Variants in ZNRF1 observed in about 807,000 individuals in gnomAD.
ZNRF1 encodes the protein E3 ubiquitin-protein ligase ZNRF1.
In ZNRF1, 3 loss-of-function variants were observed where a neutral mutation model predicts 18.4. The ratio of observed to expected loss-of-function variants is 0.16; its 90% CI spans 0.07 to 0.42. The LOEUF (loss-of-function observed/expected upper bound fraction) is 0.42. Among genes scored for constraint, ZNRF1 ranks in the 10% least tolerant of loss-of-function variants. The pLI is 0.99. For synonymous variants in ZNRF1, 157 were observed against 144.2 expected, an observed-to-expected ratio of 1.09 and a Z score of -0.64; for missense variants, 310 against 329.8, an observed-to-expected ratio of 0.94 and a Z score of 0.47.
intron 1 of ZNRF1, among the ~76,000 whole-genome samples, chr16:75,046,004 G>A (rs948758392): frequency 3.3e-5 from 5 of 151,928 alleles, no homozygotes; most frequent in African/African-American, 1.2e-4. Flanking sequence ...CTGGGTTCAA[G>A]CAATTCTCCT....
chr16:75,052,631 C>G (rs1467626381), intron 1 of ZNRF1, among the ~76,000 whole-genome samples: 1 of 152,112 alleles, frequency 6.6e-6, no homozygotes, highest in African/African-American at 2.4e-5. Flanking sequence ...CTATGACTGC[C>G]ATTCTCACTT....
At chr16:75,100,216 A>G (rs1405607550) in intron 2 of ZNRF1, among the ~76,000 whole-genome samples, 3 of 152,176 alleles carry the variant, frequency 2.0e-5, no homozygotes, top group African/African-American at 4.8e-5. Flanking sequence ...TCTTCCCACC[A>G]GTGCAGCAGA....
At chr16:75,036,754 T>C (rs914025191) in intron 1 of ZNRF1, among the ~76,000 whole-genome samples, 4 of 152,246 alleles carry the variant, frequency 2.6e-5, no homozygotes, top group Non-Finnish European at 5.9e-5. Context: ...TAAAGATTTG[T>C]CCAGATTACA....
intron 1 of ZNRF1, among the ~76,000 whole-genome samples, chr16:75,011,683 A>T (rs1302206086): frequency 6.6e-6 from 1 of 152,232 alleles, no homozygotes; most frequent in Non-Finnish European, 1.5e-5. Flanking sequence ...GCTATAAGCA[A>T]GTCTTAAGAC....
intron 3 of ZNRF1, 46 bp from the exon 4 acceptor site, chr16:75,106,436 C>T (rs745843050): frequency 5.0e-6 from 8 of 1,611,206 alleles, no homozygotes; most frequent in Non-Finnish European, 6.8e-6. Context: ...TCAAAGCAGC[C>T]TGGGCAGCAG....
chr16:75,048,693 T>A (rs1239955158), intron 1 of ZNRF1, among the ~76,000 whole-genome samples: 1 of 152,172 alleles, frequency 6.6e-6, no homozygotes, highest in Non-Finnish European at 1.5e-5. Flanking sequence ...ACTGCACAGA[T>A]GATGATGTGT....
intron 1 of ZNRF1, among the ~76,000 whole-genome samples, chr16:75,076,561 C>G (rs1296440230): frequency 1.3e-5 from 2 of 151,016 alleles, no homozygotes; most frequent in Non-Finnish European, 3.0e-5. Flanking sequence ...GACAGACTGA[C>G]TGACTTGATT....
intron 1 of ZNRF1, among the ~76,000 whole-genome samples, chr16:75,019,420 A>AT (rs963543186): frequency 7.9e-5 from 12 of 151,930 alleles, no homozygotes; most frequent in Admixed American, 7.2e-4. Flanking sequence ...GTATTTTCAA[A>AT]TTTTTTTTAA....
At chr16:75,099,624 A>G (rs577774472) in intron 2 of ZNRF1, among the ~76,000 whole-genome samples, 6 of 152,340 alleles carry the variant, frequency 3.9e-5, no homozygotes, top group African/African-American at 1.4e-4. Context: ...GGCAGAACCC[A>G]GATGGCAGAA....
chr16:75,029,683 C>T (rs935524706), intron 1 of ZNRF1, among the ~76,000 whole-genome samples: 24 of 151,862 alleles, frequency 1.6e-4, no homozygotes, highest in South Asian at 1.2e-3. Context: ...CTTGGAGAAT[C>T]GCTTGAACCT....
chr16:75,012,637 G>A (rs965417757), intron 1 of ZNRF1, among the ~76,000 whole-genome samples: 5 of 152,182 alleles, frequency 3.3e-5, no homozygotes, highest in African/African-American at 1.2e-4. Flanking sequence ...CTTAGAACAA[G>A]CCAGAATTAT....
intron 2 of ZNRF1, among the ~76,000 whole-genome samples, chr16:75,098,445 G>T (rs2036223403): frequency 6.6e-6 from 1 of 152,158 alleles, no homozygotes. Flanking sequence ...AAAGGGCTGG[G>T]CAGTTGGATG....
chr16:75,091,477 C>T (rs1006331582), intron 1 of ZNRF1, among the ~76,000 whole-genome samples: 2 of 151,656 alleles, frequency 1.3e-5, no homozygotes, highest in African/African-American at 4.8e-5. Flanking sequence ...GTATAGTGAA[C>T]TCTTGAACTA....
rs1471840940 is a variant in ZNRF1 at position 75,109,972 on chromosome 16, C to T, written c.*2272C>T. 1 of 152,402 alleles carries T rather than the reference C, an allele frequency of 6.6e-6. No individual in the cohort carries two copies. Among genetic ancestry groups the T allele is most frequent in the East Asian group, 1.9e-4 (1 of 5,206 alleles). 9.4% of individuals were successfully genotyped at this position (152,402 alleles called of 1,614,324 possible). ...CCCTGAAGGAGATCTCCTTGCCTGACCCCTGGACCTGGAAATGGAGGCTTC... is the reference window on the plus strand; with the variant it reads ...CCCTGAAGGAGATCTCCTTGCCTGATCCCTGGACCTGGAAATGGAGGCTTC... On this transcript the variant is annotated 3_prime_UTR_variant, in exon 5 of 5. Transcript: ENST00000335325.
Position 75,104,769 on chromosome 16 carries a change from C to T in ZNRF1, c.521-15C>T, listed in dbSNP as rs1203971313. 1 of 1,584,916 alleles carries T rather than the reference C, an allele frequency of 6.3e-7. No homozygotes were observed. Among genetic ancestry groups the T allele is most frequent in the African/African-American group, 1.3e-5 (1 of 74,694 alleles). ...GTGACTAACCCTCCTGCACTCTCCCCTGTCCCCCTTGCAGATGATGTGCTG... is the reference window on the plus strand; with the variant it reads ...GTGACTAACCCTCCTGCACTCTCCCTTGTCCCCCTTGCAGATGATGTGCTG... On this transcript the variant is annotated splice_polypyrimidine_tract_variant and intron_variant, in intron 2 of 4. Transcript: ENST00000335325.
intron 1 of ZNRF1, among the ~76,000 whole-genome samples, chr16:75,057,912 G>T (rs964370699): frequency 1.3e-5 from 2 of 152,158 alleles, no homozygotes; most frequent in African/African-American, 4.8e-5. Flanking sequence ...AAGTGCTGGG[G>T]TTTACAGGCG....
chr16:75,064,126 C>A (rs983640420), intron 1 of ZNRF1, among the ~76,000 whole-genome samples: 1 of 151,716 alleles, frequency 6.6e-6, no homozygotes, highest in Non-Finnish European at 1.5e-5. Context: ...TGGTGAAACC[C>A]CATCTCTACC....
intron 1 of ZNRF1, among the ~76,000 whole-genome samples, chr16:75,087,051 A>G (rs2036082926): frequency 6.6e-6 from 1 of 152,218 alleles, no homozygotes; most frequent in South Asian, 2.1e-4. Flanking sequence ...GCAGCTTCGG[A>G]AAATGAGAAG....
chr16:75,105,721 G>A (rs1457692669), intron 3 of ZNRF1: 1 of 152,246 alleles, frequency 6.6e-6, no homozygotes, highest in Non-Finnish European at 1.5e-5. Flanking sequence ...ACCAGAAAAG[G>A]AAATCTTTGG....
Sources: gnomAD v4.1 joint callset for allele counts (sites outside exome capture counted in the v4.1 genomes callset) on GRCh38, gnomAD v4.1.1 for gene constraint, MANE v1.5 for transcripts, NCBI Gene and HGNC (gene_info 2026-07-23, HGNC 2026-07-21) for gene names.